The following NLK variants were observed in gnomAD, a reference collection of about 807,000 sequenced individuals.
The protein encoded by NLK is nemo like kinase.
NLK carries 11 observed loss-of-function variants against 59.0 expected under a neutral mutation model. That is an observed-to-expected ratio of 0.19 (90% CI 0.12 to 0.31). NLK has a LOEUF of 0.31. Ranked by LOEUF, NLK falls within the 10% of genes least tolerant of loss-of-function variation. NLK has a pLI of 1.00. For synonymous variants in NLK, 235 were observed against 235.9 expected (o/e 1.00, Z 0.03); for missense variants, 410 against 661.1 (o/e 0.62, Z 4.16).
chr17:28,148,442 T>A (rs1053057631), intron 3 of NLK, among the ~76,000 whole-genome samples: 3 of 152,230 alleles, frequency 2.0e-5, no homozygotes, highest in African/African-American at 4.8e-5. Flanking sequence ...AGATTATTTT[T>A]ATAATTTGAC....
Position 28,142,867 on chromosome 17 carries a change from T to C in NLK, c.644+10192T>C, listed in dbSNP as rs558719470. Among the ~76,000 whole-genome samples, 6 of 152,310 alleles carry C rather than the reference T, an allele frequency of 3.9e-5. No homozygotes were observed. In the South Asian group the frequency reaches 8.3e-4, roughly 21 times the overall value. On this transcript the variant is annotated intron_variant, in intron 3 of 10. Coordinates refer to ENST00000407008, the MANE Select transcript of NLK (RefSeq NM_016231.5). ...GTGTTTAAAGTGCTTAACTGTGTTATTGCTTAAGCATGTTTTAACTGTCAT... is the reference window on the plus strand; with the variant it reads ...GTGTTTAAAGTGCTTAACTGTGTTACTGCTTAAGCATGTTTTAACTGTCAT...
intron 1 of NLK, among the ~76,000 whole-genome samples, chr17:28,104,492 G>A (rs1289192370): frequency 6.6e-6 from 1 of 152,102 alleles, no homozygotes; most frequent in Non-Finnish European, 1.5e-5. Context: ...CTGACCTCGT[G>A]ATCTGTCCAC....
In NLK at chr17:28,168,498, T is replaced by C; in HGVS notation, c.888T>C (p.His296=). ...ARVEELDESR[H]MTQEVVTQYY... ...TGGAAGAATTAGATGAATCCCGTCA[T>C]ATGACTCAGGAAGTTGTTACTCAGT... The change falls in exon 6 of 11, where the codon CAT becomes CAC. Residue 296 remains histidine (H), a synonymous_variant. Transcript: ENST00000407008. 6.2e-7 allele frequency: 1 copy of C among 1,613,944 alleles called. No individual in the cohort carries two copies. Among genetic ancestry groups the C allele is most frequent in the Non-Finnish European group, 8.5e-7 (1 of 1,179,824 alleles).
At chr17:28,122,438 T>C (rs1280907218) in intron 1 of NLK, among the ~76,000 whole-genome samples, 165 bp from the exon 2 acceptor site, 2 of 152,166 alleles carry the variant, frequency 1.3e-5, no homozygotes, top group Admixed American at 1.3e-4. Flanking sequence ...ATTATAGATA[T>C]GTACTCTTTT....
At chr17:28,134,057 A>G (rs1031500109) in intron 3 of NLK, among the ~76,000 whole-genome samples, 2 of 152,062 alleles carry the variant, frequency 1.3e-5, no homozygotes, top group East Asian at 3.8e-4. Context: ...GTGAAACTGC[A>G]TCCATGGATG....
chr17:28,071,331 C>A (rs533434600), intron 1 of NLK, among the ~76,000 whole-genome samples: 1 of 152,026 alleles, frequency 6.6e-6, no homozygotes, highest in South Asian at 2.1e-4. Flanking sequence ...CTTTAAAAAT[C>A]TGTTGGGATA....
chr17:28,136,950 CAAA>C (rs67290939), intron 3 of NLK, among the ~76,000 whole-genome samples: 9 of 80,662 alleles, frequency 1.1e-4, no homozygotes, highest in Admixed American at 2.7e-4. Flanking sequence ...GTAGCCAAAG[CAAA>C]AAAAAAAAAA....
At chr17:28,189,691 A>G (rs1034050213) in intron 8 of NLK, among the ~76,000 whole-genome samples, 1 of 152,240 alleles carries the variant, frequency 6.6e-6, no homozygotes, top group Non-Finnish European at 1.5e-5. Flanking sequence ...ACAGTGGAAC[A>G]CTATCCCAGT....
chr17:28,203,980 G>A, the NLK span, among the ~76,000 whole-genome samples: 7 of 152,262 alleles, frequency 4.6e-5, no homozygotes, highest in South Asian at 2.1e-4. Context: ...TCGTTTCCCC[G>A]CTGTTTTTAG....
chr17:28,095,615 C>T (rs1368706051), intron 1 of NLK, among the ~76,000 whole-genome samples: 5 of 152,116 alleles, frequency 3.3e-5, no homozygotes, highest in African/African-American at 1.2e-4. Flanking sequence ...ATTACTGATG[C>T]AGATTATCCT....
intron 1 of NLK, among the ~76,000 whole-genome samples, chr17:28,089,558 T>A (rs756773528): frequency 7.2e-5 from 11 of 152,116 alleles, no homozygotes; most frequent in Non-Finnish European, 1.5e-4. Context: ...CATATATAAG[T>A]CTTTGCATGG....
downstream of NLK, among the ~76,000 whole-genome samples, chr17:28,198,569 C>A (rs1208289732): frequency 6.6e-6 from 1 of 152,204 alleles, no homozygotes; most frequent in Non-Finnish European, 1.5e-5. Flanking sequence ...AAATGATCCA[C>A]CCACCTTGGC....
At chr17:28,085,778 A>G (rs1910494309) in intron 1 of NLK, among the ~76,000 whole-genome samples, 1 of 152,136 alleles carries the variant, frequency 6.6e-6, no homozygotes, top group South Asian at 2.1e-4. Flanking sequence ...AAAGATTCCT[A>G]TTGCCCAGAG....
chr17:28,059,986 ATTTAT>A (rs1909574716), intron 1 of NLK, among the ~76,000 whole-genome samples: 1 of 152,158 alleles, frequency 6.6e-6, no homozygotes, highest in South Asian at 2.1e-4. Flanking sequence ...TTTAAATATG[ATTTAT>A]TTTATTCTAA....
At chr17:28,198,964 T>C (rs886816010), downstream of NLK, among the ~76,000 whole-genome samples, 2 of 152,220 alleles carry the variant, frequency 1.3e-5, no homozygotes, top group Admixed American at 1.3e-4. Flanking sequence ...GTGGCACAGC[T>C]GTGTCTGTCT....
chr17:28,151,093 T>TC (rs1173085803), intron 3 of NLK, among the ~76,000 whole-genome samples: 1 of 152,146 alleles, frequency 6.6e-6, no homozygotes, highest in African/African-American at 2.4e-5. Context: ...TAGATGCTGT[T>TC]CAAGTTAATG....
chr17:28,058,027 G>C (rs1175237048), intron 1 of NLK, among the ~76,000 whole-genome samples: 1 of 152,312 alleles, frequency 6.6e-6, no homozygotes, highest in African/African-American at 2.4e-5. Flanking sequence ...TGACAGCAAG[G>C]CTTTAAAAGT....
At chr17:28,203,200 C>CACACACACAG in the NLK span, among the ~76,000 whole-genome samples, 1 of 150,962 alleles carries the variant, frequency 6.6e-6, no homozygotes, top group African/African-American at 2.4e-5. Context: ...CACACACACA[C>CACACACACAG]AGTCTCAGTC....
chr17:28,079,716 G>A (rs1555557530), intron 1 of NLK, among the ~76,000 whole-genome samples: 3 of 152,010 alleles, frequency 2.0e-5, no homozygotes, highest in Non-Finnish European at 1.5e-5. Flanking sequence ...AGAGTTCCTT[G>A]TATATTCTAG....
Sources: allele counts gnomAD v4.1 joint callset (sites outside exome capture counted in the v4.1 genomes callset), GRCh38; gene constraint gnomAD v4.1.1; transcripts MANE v1.5; gene names NCBI Gene and HGNC (gene_info 2026-07-23, HGNC 2026-07-21).